Variants in PDE4D observed in about 807,000 individuals in gnomAD.
PDE4D encodes phosphodiesterase 4D, also known as 3',5'-cyclic-AMP phosphodiesterase 4D.
PDE4D carries 24 observed loss-of-function variants against 87.4 expected under a neutral mutation model. The ratio of observed to expected loss-of-function variants is 0.27; its 90% CI spans 0.20 to 0.39. The LOEUF (loss-of-function observed/expected upper bound fraction) is 0.39, where lower values mean the gene tolerates loss of function less well. Among genes scored for constraint, PDE4D ranks in the 10% least tolerant of loss-of-function variants. The probability of loss-of-function intolerance (pLI) is 1.00; values close to 1 mark genes in which losing one functional copy is unlikely to be tolerated. For synonymous variants in PDE4D, 384 were observed against 383.2 expected (o/e 1.00, Z -0.02); for missense variants, 714 against 1,041.0 (o/e 0.69, Z 4.32).
At position 59,280,221 on chromosome 5, in the gene PDE4D, T is replaced by C. The variant is rs536671890; in HGVS notation, c.456-64253A>G. Among the ~76,000 whole-genome samples, 12 of 152,232 alleles carry C rather than the reference T, an allele frequency of 7.9e-5. 1 individual carries two copies. In the South Asian group the frequency reaches 2.5e-3, roughly 32 times the overall value. ...GTTACCTATGCAACAGATGACATTT[T>C]GATTGCCTCATTAGGCAATACTGGT... is the stretch of plus-strand genomic sequence containing the variant. On this transcript the variant is annotated intron_variant, in intron 1 of 14. Coordinates refer to ENST00000340635, the MANE Select transcript of PDE4D (RefSeq NM_001104631.2).
At chr5:59,402,967 A>G (rs1790933655) in intron 1 of PDE4D, among the ~76,000 whole-genome samples, 2 of 152,120 alleles carry the variant, frequency 1.3e-5, no homozygotes, top group African/African-American at 4.8e-5. Flanking sequence ...TTACTGATAA[A>G]CCAAATGATG....
At chr5:59,698,178 A>C (rs898825118) in intron 1 of PDE4D, among the ~76,000 whole-genome samples, 7 of 152,124 alleles carry the variant, frequency 4.6e-5, no homozygotes. Flanking sequence ...TTGGAGGTTA[A>C]ATGGAGCCAC....
chr5:59,750,818 C>G (rs1005402736), intron 1 of PDE4D, among the ~76,000 whole-genome samples: 2 of 151,894 alleles, frequency 1.3e-5, no homozygotes, highest in Non-Finnish European at 2.9e-5. Flanking sequence ...TGCCTGTAGT[C>G]CCAGCTACCT....
intron 1 of PDE4D, among the ~76,000 whole-genome samples, chr5:60,405,525 C>T (rs774996582): frequency 6.6e-6 from 1 of 152,190 alleles, no homozygotes; most frequent in Admixed American, 6.5e-5. Context: ...AGGTGGGCAC[C>T]GCTATGCTAT....
intron 1 of PDE4D, among the ~76,000 whole-genome samples, chr5:60,465,855 T>C (rs1005472881): frequency 3.3e-5 from 5 of 151,250 alleles, no homozygotes; most frequent in Admixed American, 2.0e-4. Flanking sequence ...GAATATCTCT[T>C]GTAATTTTAA....
At chr5:59,293,447 A>C (rs1246323085) in intron 1 of PDE4D, among the ~76,000 whole-genome samples, 1 of 152,146 alleles carries the variant, frequency 6.6e-6, no homozygotes, top group East Asian at 1.9e-4. Flanking sequence ...TTTCAATTAG[A>C]GAAACTAGAA....
chr5:59,463,706 G>A (rs1349898522), intron 1 of PDE4D, among the ~76,000 whole-genome samples: 2 of 152,150 alleles, frequency 1.3e-5, no homozygotes, highest in Non-Finnish European at 2.9e-5. Flanking sequence ...ACCTGTACTT[G>A]GATGTTCAAG....
intron 5 of PDE4D, among the ~76,000 whole-genome samples, chr5:59,121,199 G>C (rs981583443): frequency 1.3e-5 from 2 of 152,056 alleles, no homozygotes; most frequent in Non-Finnish European, 2.9e-5. Context: ...TAGATAAATG[G>C]GGCTGTATTG....
intron 1 of PDE4D, among the ~76,000 whole-genome samples, chr5:60,375,597 T>C (rs1761368715): frequency 6.6e-6 from 1 of 152,156 alleles, no homozygotes; most frequent in Non-Finnish European, 1.5e-5. Flanking sequence ...ATGCCCCTTT[T>C]ACATGGATAA....
rs112052597 is a variant in PDE4D, at chr5:60,143,347, G to C, written c.42+42210C>G. 2.6e-5 allele frequency among the ~76,000 whole-genome samples: 4 copies of C among 152,186 alleles called. 1 individual carries two copies. Among genetic ancestry groups the C allele is most frequent in the African/African-American group, 9.6e-5 (4 of 41,528 alleles). Reference sequence around the variant, plus strand: ...TAATATTCTATAACAAAATTTTGAAGGTCATTCCTTAAAATATGATTTTTA... The same window carrying C: ...TAATATTCTATAACAAAATTTTGAACGTCATTCCTTAAAATATGATTTTTA... On this transcript the variant is annotated intron_variant, in intron 2 of 16. Coordinates refer to the PDE4D transcript ENST00000502484.
chr5:60,226,427 C>A (rs1745113019), intron 1 of PDE4D, among the ~76,000 whole-genome samples: 1 of 151,916 alleles, frequency 6.6e-6, no homozygotes, highest in South Asian at 2.1e-4. Flanking sequence ...CCCCAGAGAA[C>A]CAAAGAAAAA....
intron 1 of PDE4D, among the ~76,000 whole-genome samples, chr5:59,437,889 A>C (rs541829352): frequency 2.8e-4 from 42 of 152,224 alleles, no homozygotes; most frequent in African/African-American, 9.9e-4. Flanking sequence ...GGTTTAATTG[A>C]CTCACAGTTT....
At chr5:59,992,023 A>C (rs889271673) in intron 2 of PDE4D, among the ~76,000 whole-genome samples, 6 of 152,176 alleles carry the variant, frequency 3.9e-5, no homozygotes, top group African/African-American at 1.2e-4. Flanking sequence ...AGCTGGGTTA[A>C]AAGCAGGCAG....
chr5:60,362,606 C>T (rs1306399262), intron 1 of PDE4D, among the ~76,000 whole-genome samples: 1 of 152,046 alleles, frequency 6.6e-6, no homozygotes, highest in Non-Finnish European at 1.5e-5. Flanking sequence ...GCCTGTAATC[C>T]CAGCACTTTG....
chr5:59,173,117 G>T (rs1248146562), intron 5 of PDE4D, among the ~76,000 whole-genome samples: 1 of 152,096 alleles, frequency 6.6e-6, no homozygotes, highest in Admixed American at 6.6e-5. Context: ...TAGGCTAAAT[G>T]AACATGAGCC....
intron 2 of PDE4D, among the ~76,000 whole-genome samples, chr5:60,018,735 G>A (rs2152850833): frequency 6.6e-6 from 1 of 152,216 alleles, no homozygotes; most frequent in Non-Finnish European, 1.5e-5. Context: ...GATCAAAAGA[G>A]ACAAAGAAGG....
chr5:59,644,710 C>G (rs1742158858), intron 1 of PDE4D, among the ~76,000 whole-genome samples: 1 of 152,156 alleles, frequency 6.6e-6, no homozygotes, highest in Admixed American at 6.5e-5. Flanking sequence ...ACGTGTGTAT[C>G]TGTACGTGTA....
chr5:59,787,738 C>A (rs1581109154), intron 1 of PDE4D, among the ~76,000 whole-genome samples: 2 of 152,100 alleles, frequency 1.3e-5, no homozygotes, highest in Admixed American at 6.6e-5. Flanking sequence ...TATTCAGTGA[C>A]ATTTAAAATT....
chr5:59,570,103 G>A (rs1488939494), intron 1 of PDE4D, among the ~76,000 whole-genome samples: 1 of 152,134 alleles, frequency 6.6e-6, no homozygotes, highest in Non-Finnish European at 1.5e-5. Flanking sequence ...GAATATTCAT[G>A]TATCAGGGCC....
Sources: allele counts gnomAD v4.1 joint callset (sites outside exome capture counted in the v4.1 genomes callset), GRCh38; gene constraint gnomAD v4.1.1; transcripts MANE v1.5; gene names NCBI Gene and HGNC (gene_info 2026-07-23, HGNC 2026-07-21).